Variants in PFKFB3 observed in about 807,000 individuals in gnomAD.
The protein encoded by PFKFB3 is 6-phosphofructo-2-kinase/fructose-2,6-bisphosphatase 3.
In PFKFB3, 33 loss-of-function variants were observed where a neutral mutation model predicts 68.0. The ratio of observed to expected loss-of-function variants is 0.49; its 90% CI spans 0.37 to 0.65. The LOEUF is 0.65. Ranked by LOEUF, PFKFB3 falls within the 30% of genes least tolerant of loss-of-function variation. The probability of loss-of-function intolerance (pLI) is 0.00; values close to 1 mark genes in which losing one functional copy is unlikely to be tolerated. For missense variants in PFKFB3, 586 were observed against 712.2 expected (o/e 0.82, Z 2.02); for synonymous variants, 315 against 288.2 (o/e 1.09, Z -0.94).
chr10:6,311,751 AAAAAAAG>A, the PFKFB3 span, among the ~76,000 whole-genome samples: 1 of 152,178 alleles, frequency 6.6e-6, no homozygotes, highest in Non-Finnish European at 1.5e-5. Context: ...TCCGTCTCAA[AAAAAAAG>A]AAAAAAGAAA....
At chr10:6,211,984 C>G (rs112702098) in intron 1 of PFKFB3, among the ~76,000 whole-genome samples, 6 of 152,240 alleles carry the variant, frequency 3.9e-5, no homozygotes, top group African/African-American at 1.4e-4. Flanking sequence ...GGGCTTCTTT[C>G]CTGAGCTGCG....
intron 14 of PFKFB3, chr10:6,231,443 T>C (rs908366270): frequency 6.6e-7 from 1 of 1,509,298 alleles, no homozygotes; most frequent in Non-Finnish European, 8.8e-7. Flanking sequence ...GCAACACCAT[T>C]GTCGTGAGGT....
the PFKFB3 span, among the ~76,000 whole-genome samples, chr10:6,281,861 A>G: frequency 6.6e-6 from 1 of 152,126 alleles, no homozygotes; most frequent in Admixed American, 6.5e-5. Context: ...CTCTAAGTAG[A>G]TTTTAAAACA....
rs1291304549 is a variant in PFKFB3 at position 6,220,609 on chromosome 10, G to C, written c.624-49G>C. 5 of 1,555,250 alleles carry C rather than the reference G, an allele frequency of 3.2e-6. No individual in the cohort carries two copies. Among genetic ancestry groups the C allele is most frequent in the African/African-American group, 1.4e-5 (1 of 73,828 alleles). Reference sequence around the variant, plus strand: ...TTCGGAGACGGGCCAGGTGCATCCTGCTGTGGGTGGTGGCCTGAGCTGTGG... The same window carrying C: ...TTCGGAGACGGGCCAGGTGCATCCTCCTGTGGGTGGTGGCCTGAGCTGTGG... On this transcript the variant is annotated intron_variant, in intron 7 of 14. Transcript: ENST00000379775. This position sits in a 1 kb window ranked among gnomAD's most constrained non-coding sequence, Gnocchi z 4.1.
chr10:6,146,559 CT>C (rs1466047115), intron 1 of PFKFB3: 4 of 1,451,040 alleles, frequency 2.8e-6, no homozygotes, highest in Admixed American at 2.0e-5. Context: ...CCCTCCCCCC[CT>C]ACTCATTAAC....
At chr10:6,170,524 A>T (rs542426518) in intron 1 of PFKFB3, among the ~76,000 whole-genome samples, 1 of 152,360 alleles carries the variant, frequency 6.6e-6, no homozygotes, top group South Asian at 2.1e-4. Context: ...CCTGGGCCAC[A>T]TAGACCTCCT....
At chr10:6,217,024 G>C in intron 5 of PFKFB3, 111 bp from the exon 6 acceptor site, 1 of 1,096,836 alleles carries the variant, frequency 9.1e-7, no homozygotes, top group Non-Finnish European at 1.4e-6. Flanking sequence ...CTGTGTTTGG[G>C]AGTTGGTGGG....
chr10:6,167,699 G>A (rs1423081589), intron 1 of PFKFB3, among the ~76,000 whole-genome samples: 1 of 152,148 alleles, frequency 6.6e-6, no homozygotes, highest in East Asian at 1.9e-4. Context: ...CGTATCTGGT[G>A]GCCTCTCTGC....
intron 13 of PFKFB3, chr10:6,225,111 G>A (rs1845248238): frequency 2.2e-6 from 1 of 456,134 alleles, no homozygotes; most frequent in African/African-American, 2.0e-5. Flanking sequence ...GTGGGCCTCT[G>A]CTCAGGTGGA....
At chr10:6,182,513 C>T (rs1842744282) in intron 1 of PFKFB3, among the ~76,000 whole-genome samples, 4 of 152,220 alleles carry the variant, frequency 2.6e-5, no homozygotes. Flanking sequence ...CCAGGCCGAT[C>T]CCTTCGCCAG....
At chr10:6,225,251 G>C (rs1160395839) in intron 13 of PFKFB3, 1 of 455,864 alleles carries the variant, frequency 2.2e-6, no homozygotes, top group Non-Finnish European at 4.4e-6. Flanking sequence ...CGAAACAGGT[G>C]ACTGTCTAGT....
the PFKFB3 span, among the ~76,000 whole-genome samples, chr10:6,319,135 A>G: frequency 6.6e-6 from 1 of 152,356 alleles, no homozygotes; most frequent in East Asian, 1.9e-4. Context: ...TAGGACTACC[A>G]TTTGATCACC....
intron 14 of PFKFB3, among the ~76,000 whole-genome samples, chr10:6,244,559 G>A (rs762905984): frequency 6.6e-5 from 10 of 152,152 alleles, no homozygotes; most frequent in Non-Finnish European, 1.0e-4. Context: ...GCACACCTTA[G>A]CCCAGTTGAG....
At chr10:6,212,863 C>G (rs890212350) in intron 1 of PFKFB3, among the ~76,000 whole-genome samples, 12 of 152,112 alleles carry the variant, frequency 7.9e-5, no homozygotes, top group African/African-American at 2.9e-4. Flanking sequence ...GCCCATACCT[C>G]TGTGTGGAGG....
At chr10:6,200,000 G>A (rs1023426795), upstream of PFKFB3, among the ~76,000 whole-genome samples, 3 of 151,356 alleles carry the variant, frequency 2.0e-5, no homozygotes, top group Admixed American at 6.6e-5. Context: ...AGCTATCTGC[G>A]TCCGTGTCAA....
chr10:6,206,352 T>C (rs1298738106), intron 1 of PFKFB3, among the ~76,000 whole-genome samples: 2 of 138,124 alleles, frequency 1.4e-5, no homozygotes, highest in African/African-American at 5.6e-5. Context: ...TGTCTACTTC[T>C]TTCTACACAG....
chr10:6,293,784 A>T, the PFKFB3 span: 1 of 374,928 alleles, frequency 2.7e-6, no homozygotes, highest in South Asian at 2.6e-5. Context: ...TGTGCACTTT[A>T]TCTGAGCTCC....
intron 14 of PFKFB3, chr10:6,231,360 C>T (rs1845731681): frequency 1.2e-6 from 2 of 1,611,086 alleles, no homozygotes; most frequent in South Asian, 2.2e-5. Flanking sequence ...CGCGTCACGG[C>T]ATCTGGGTCT....
Position 6,222,977 on chromosome 10 carries a change from G to T in PFKFB3, c.1206G>T (p.Lys402Asn). 2.5e-6 allele frequency: 4 copies of T among 1,613,374 alleles called. No individual in the cohort carries two copies. Among genetic ancestry groups the T allele is most frequent in the Non-Finnish European group, 3.4e-6 (4 of 1,179,604 alleles). Residue 402 changes from lysine (K) to asparagine (N), a missense_variant, in exon 11 of 15, where the codon AAG becomes AAT. Physicochemically the swap from Lys to Asn is moderately conservative, Grantham distance 94. Transcript: ENST00000379775. ...GCCTGCTTGCCTACTTCCTGGATAA[G>T]AGTGCAGGTACCTCGGGCAGGTCGT... Reference protein sequence around the residue: ...LRCLLAYFLDKSAEEMPYLKC... With the variant: ...LRCLLAYFLDNSAEEMPYLKC...
Sources: allele counts gnomAD v4.1 joint callset (sites outside exome capture counted in the v4.1 genomes callset), GRCh38; gene constraint gnomAD v4.1.1; non-coding constraint Gnocchi (gnomAD v3.1); transcripts MANE v1.5; gene names NCBI Gene and HGNC (gene_info 2026-07-23, HGNC 2026-07-21).